The following TAFA2 variants were observed in gnomAD, a reference collection of about 807,000 sequenced individuals.
TAFA2 encodes the protein chemokine-like protein TAFA-2.
A neutral mutation model predicts 18.8 loss-of-function variants in TAFA2; 7 were observed. The observed-to-expected ratio is 0.37, with a 90% CI of 0.21 to 0.70. The LOEUF is 0.70. TAFA2 is among the 30% of genes least tolerant of loss of function. TAFA2 has a pLI of 0.53. For synonymous variants in TAFA2, 60 were observed against 54.2 expected (o/e 1.11, Z -0.47); for missense variants, 122 against 158.1 (o/e 0.77, Z 1.23).
intron 1 of TAFA2, among the ~76,000 whole-genome samples, chr12:62,147,655 G>A (rs1302738300): frequency 1.6e-4 from 24 of 146,776 alleles, no homozygotes; most frequent in Middle Eastern, 3.5e-3. Context: ...GGGTGAACCC[G>A]GGAGGCGGAG....
intron 1 of TAFA2, chr12:61,879,833 C>A: frequency 2.2e-6 from 3 of 1,335,680 alleles, no homozygotes; most frequent in Non-Finnish European, 3.2e-6. Context: ...CATGCAGGAG[C>A]TGGTGGAGGA....
At chr12:61,910,749 T>C (rs1163180271) in intron 1 of TAFA2, among the ~76,000 whole-genome samples, 2 of 152,206 alleles carry the variant, frequency 1.3e-5, no homozygotes, top group Non-Finnish European at 1.5e-5. Context: ...TTGAAACTAC[T>C]TAAAGGTCAA....
chr12:62,164,293 C>T (rs1311366816), intron 1 of TAFA2, among the ~76,000 whole-genome samples: 1 of 152,144 alleles, frequency 6.6e-6, no homozygotes, highest in African/African-American at 2.4e-5. Flanking sequence ...ATGAGAACAT[C>T]TATCTTGTTC....
intron 1 of TAFA2, among the ~76,000 whole-genome samples, chr12:61,880,975 T>C (rs561503764): frequency 9.9e-5 from 15 of 152,180 alleles, no homozygotes; most frequent in South Asian, 8.3e-4. Flanking sequence ...CATTTTTTTT[T>C]CCAAAATAAA....
intron 1 of TAFA2, among the ~76,000 whole-genome samples, chr12:62,132,389 T>C (rs1289182964): frequency 2.0e-5 from 3 of 151,770 alleles, no homozygotes; most frequent in Admixed American, 6.6e-5. Flanking sequence ...AACCAGGCAA[T>C]ACAGGTATTG....
chr12:61,910,026 T>C (rs1333849400), intron 1 of TAFA2, among the ~76,000 whole-genome samples: 1 of 152,042 alleles, frequency 6.6e-6, no homozygotes, highest in Non-Finnish European at 1.5e-5. Context: ...TATGTAACTT[T>C]CAATGCAATG....
chr12:61,949,673 G>T (rs562703239), intron 1 of TAFA2, among the ~76,000 whole-genome samples: 1 of 151,902 alleles, frequency 6.6e-6, no homozygotes, highest in Non-Finnish European at 1.5e-5. Flanking sequence ...TCTCCCACTG[G>T]TTCTGTTTTT....
intron 2 of TAFA2, among the ~76,000 whole-genome samples, chr12:61,830,125 C>T (rs1032874380): frequency 2.6e-5 from 4 of 151,200 alleles, no homozygotes; most frequent in African/African-American, 4.8e-5. Context: ...CAATGGTTGA[C>T]TGGATGATTG....
chr12:61,890,970 A>G (rs1313715276), intron 1 of TAFA2, among the ~76,000 whole-genome samples: 1 of 152,144 alleles, frequency 6.6e-6, no homozygotes, highest in Non-Finnish European at 1.5e-5. Flanking sequence ...TTTTCTTGCT[A>G]TATAGTAGCA....
intron 1 of TAFA2, among the ~76,000 whole-genome samples, chr12:61,947,848 C>G (rs546983327): frequency 9.9e-5 from 15 of 152,222 alleles, no homozygotes; most frequent in African/African-American, 3.6e-4. Context: ...GAGCTTAGCA[C>G]AAATCCTGAA....
chr12:61,954,306 A>G (rs1303886191), intron 1 of TAFA2, among the ~76,000 whole-genome samples: 6 of 152,236 alleles, frequency 3.9e-5, no homozygotes, highest in African/African-American at 1.2e-4. Context: ...CTACAGAGCT[A>G]GTAATAGGAA....
At chr12:61,844,806 G>A (rs1463927886) in intron 2 of TAFA2, among the ~76,000 whole-genome samples, 1 of 152,084 alleles carries the variant, frequency 6.6e-6, no homozygotes, top group East Asian at 1.9e-4. Context: ...ATCACTAGCT[G>A]TTTTCCCAAC....
Position 61,753,634 on chromosome 12 carries a change from G to T in TAFA2, c.372C>A (p.Val124=), listed in dbSNP as rs775544130. Residue 124 remains valine, a synonymous_variant, in exon 4 of 5, where the codon GTC becomes GTA. Transcript: ENST00000416284. The part of the protein sequence containing the change: ...KGWSCSSGNK[V]KTTRVTH ...GCTGTCCACTTACCCTAGTTGTTTT[G>T]ACTTTATTCCCAGAGGAACAGCTCC... 7.4e-6 allele frequency: 12 copies of T among 1,611,700 alleles called. No individual in the cohort carries two copies. In the South Asian group the frequency reaches 1.3e-4, roughly 18 times the overall value.
chr12:61,979,161 C>T (rs931710748), intron 1 of TAFA2, among the ~76,000 whole-genome samples: 1 of 152,104 alleles, frequency 6.6e-6, no homozygotes, highest in Non-Finnish European at 1.5e-5. Context: ...AAAGTCTGGT[C>T]AAACAAACTC....
At chr12:61,968,581 G>C (rs945608794) in intron 1 of TAFA2, among the ~76,000 whole-genome samples, 34 of 151,676 alleles carry the variant, frequency 2.2e-4, no homozygotes, top group African/African-American at 8.0e-4. Flanking sequence ...TGCTTTGCTT[G>C]TCTATATTTT....
intron 1 of TAFA2, among the ~76,000 whole-genome samples, chr12:61,961,038 C>G (rs1260103150): frequency 2.0e-5 from 3 of 151,902 alleles, no homozygotes; most frequent in Non-Finnish European, 4.4e-5. Flanking sequence ...TCCCCATTAC[C>G]TTCCGCCATG....
At chr12:61,807,298 A>G (rs1871660481) in intron 2 of TAFA2, among the ~76,000 whole-genome samples, 1 of 151,494 alleles carries the variant, frequency 6.6e-6, no homozygotes. Context: ...GCAAGCCTCA[A>G]GCCTTGGCAA....
chr12:62,194,701 A>G (rs2062641695), upstream of TAFA2, among the ~76,000 whole-genome samples: 1 of 152,210 alleles, frequency 6.6e-6, no homozygotes, highest in Non-Finnish European at 1.5e-5. Context: ...AAAGGAAACA[A>G]AGTAGTAAAG....
chr12:61,785,319 T>TTGTGTGTGTG (rs57166010), intron 2 of TAFA2, among the ~76,000 whole-genome samples: 4,701 of 140,020 alleles, frequency 0.034, 84 homozygotes, highest in African/African-American at 0.062. Context: ...AATAGTATTC[T>TTGTGTGTGTG]TGTGTGTGTG....
Sources: gnomAD v4.1 joint callset for allele counts (sites outside exome capture counted in the v4.1 genomes callset) on GRCh38, gnomAD v4.1.1 for gene constraint, MANE v1.5 for transcripts, NCBI Gene and HGNC (gene_info 2026-07-23, HGNC 2026-07-21) for gene names.